Variants in TANC1 observed in about 807,000 individuals in gnomAD.
TANC1 encodes the protein tetratricopeptide repeat, ankyrin repeat and coiled-coil containing 1.
TANC1 carries 77 observed loss-of-function variants against 149.7 expected under a neutral mutation model. The observed-to-expected ratio is 0.51, with a 90% confidence interval of 0.43 to 0.62. The LOEUF is 0.62. Ranked by LOEUF, TANC1 falls within the 20% of genes least tolerant of loss-of-function variation. The pLI is 0.00. For synonymous variants in TANC1, 854 were observed against 925.0 expected (o/e 0.92, Z 1.39); for missense variants, 1,985 against 2,321.8 (o/e 0.85, Z 2.98).
chr2:159,189,691 C>T (rs544866078), intron 16 of TANC1, among the ~76,000 whole-genome samples: 19 of 152,066 alleles, frequency 1.2e-4, no homozygotes, highest in Non-Finnish European at 4.4e-5. Flanking sequence ...GCTGGAAGGG[C>T]GCCTGACACT....
At chr2:159,175,989 C>T (rs928309613) in intron 12 of TANC1, among the ~76,000 whole-genome samples, 3 of 152,148 alleles carry the variant, frequency 2.0e-5, no homozygotes, top group Non-Finnish European at 4.4e-5. Context: ...CACTGGGGAG[C>T]TCTCATGGGG....
chr2:159,065,958 CAAG>C lies in TANC1; in HGVS notation c.52_54del (p.Lys18del), dbSNP rs2042618438. 2.5e-6 allele frequency: 4 copies of C among 1,613,198 alleles called. No homozygotes were observed. Among genetic ancestry groups the C allele is most frequent in the Non-Finnish European group, 3.4e-6 (4 of 1,179,346 alleles). On this transcript the variant is annotated inframe_deletion, in exon 3 of 27. Coordinates refer to ENST00000263635, the MANE Select transcript of TANC1 (RefSeq NM_033394.3). ...AGAGCCGAGAGGGAGGAAAGGGAGG[CAAG>C]AAGGAAGCAGGTATGTGTGCAAGAA... is the stretch of plus-strand genomic sequence containing the variant.
At chr2:159,030,475 G>A (rs1203717882) in intron 2 of TANC1, among the ~76,000 whole-genome samples, 1 of 152,138 alleles carries the variant, frequency 6.6e-6, no homozygotes, top group Non-Finnish European at 1.5e-5. Flanking sequence ...TCCTAGGACA[G>A]AAGTTATTTC....
chr2:159,179,900 C>T (rs1489077892), intron 14 of TANC1, among the ~76,000 whole-genome samples: 1 of 152,174 alleles, frequency 6.6e-6, no homozygotes, highest in East Asian at 1.9e-4. Context: ...CCCCAACTTC[C>T]ACTTGGCCCT....
Position 159,228,594 on chromosome 2 carries a change from T to C in TANC1, c.4051-202T>C, listed in dbSNP as rs1255282595. On this transcript the variant is annotated intron_variant, in intron 25 of 26. Coordinates refer to ENST00000263635, the MANE Select transcript of TANC1 (RefSeq NM_033394.3). The stretch of plus-strand genomic sequence containing the variant: ...TGGGGCACTGTTACTACCACTGTTT[T>C]CATAGTGGATTCTTCTCCTAATGAT... 1.1e-5 allele frequency: 6 copies of C among 544,332 alleles called. No homozygotes were observed. The African/African-American group carries it at 1.1e-4, about 10-fold the overall frequency. The allele number at this position is 544,332 out of a possible 1,614,324, so 33.7% of individuals were successfully genotyped here. A position where few individuals can be genotyped will look rare whatever the true frequency, so the allele number is the denominator to read the frequency against.
intron 6 of TANC1, 104 bp from the exon 7 acceptor site, chr2:159,150,265 TC>T (rs2052634169): frequency 3.4e-6 from 3 of 889,706 alleles, no homozygotes; most frequent in Non-Finnish European, 5.1e-6. Context: ...TTTTAAAACT[TC>T]CGTTTTCCTG....
intron 5 of TANC1, among the ~76,000 whole-genome samples, chr2:159,145,704 T>C (rs2150283557): frequency 6.6e-6 from 1 of 152,298 alleles, no homozygotes; most frequent in East Asian, 1.9e-4. Context: ...TCAGAAGTGA[T>C]TCAAGAACTT....
intron 4 of TANC1, among the ~76,000 whole-genome samples, chr2:159,120,517 G>T (rs1358180191): frequency 6.6e-6 from 1 of 152,110 alleles, no homozygotes; most frequent in African/African-American, 2.4e-5. Context: ...GCTATTCAGT[G>T]CATTATGGTT....
At chr2:159,010,524 C>T (rs577380796) in intron 2 of TANC1, among the ~76,000 whole-genome samples, 107 of 152,178 alleles carry the variant, frequency 7.0e-4, no homozygotes, top group African/African-American at 2.4e-3. Context: ...GCCGTGGGTG[C>T]GTCGGGGGAG....
chr2:159,012,013 T>G (rs1345586918), intron 2 of TANC1, among the ~76,000 whole-genome samples: 3 of 151,992 alleles, frequency 2.0e-5, no homozygotes, highest in Non-Finnish European at 4.4e-5. Context: ...CTAGAGCTTC[T>G]AGGAAGGGGG....
intron 5 of TANC1, chr2:159,148,520 G>C (rs1417938558): frequency 6.6e-6 from 1 of 152,262 alleles, no homozygotes; most frequent in Admixed American, 6.5e-5. Context: ...GTGGTACTGG[G>C]TCCTGTCTCT....
At chr2:159,212,621 G>C (rs994830856) in intron 19 of TANC1, among the ~76,000 whole-genome samples, 1 of 151,970 alleles carries the variant, frequency 6.6e-6, no homozygotes, top group Non-Finnish European at 1.5e-5. Context: ...TAGATTTTAG[G>C]CTTAAAAACC....
At chr2:158,992,932 A>G (rs1338977396) in intron 1 of TANC1, among the ~76,000 whole-genome samples, 1 of 150,830 alleles carries the variant, frequency 6.6e-6, no homozygotes, top group African/African-American at 2.4e-5. Flanking sequence ...CTTCACTTGC[A>G]CCTTTACTCG....
In TANC1 at chr2:159,232,309, ATC is replaced by A. The variant is rs2060361697; in HGVS notation, c.*1299_*1300del. On this transcript the variant is annotated 3_prime_UTR_variant, in exon 27 of 27. Coordinates refer to ENST00000263635, the MANE Select transcript of TANC1 (RefSeq NM_033394.3). ...GCTAATTTGAGAGAAGTAGGAGTGT[ATC>A]TGTTTTATATGTTGGGATGTGAAAT... 2.0e-5 allele frequency: 3 copies of A among 152,592 alleles called. No homozygotes were observed. The highest frequency in any genetic ancestry group is 4.4e-5 in the Non-Finnish European group (3 of 68,014). 9.5% of individuals were successfully genotyped at this position (152,592 alleles called of 1,614,324 possible). A position where few individuals can be genotyped will look rare whatever the true frequency, so the allele number is the denominator to read the frequency against.
Position 159,230,233 on chromosome 2 carries a change from C to T in TANC1, c.4807C>T (p.Pro1603Ser), listed in dbSNP as rs2060267144. 3 of 1,613,944 alleles carry T rather than the reference C, an allele frequency of 1.9e-6. No individual in the cohort carries two copies. Among genetic ancestry groups the T allele is most frequent in the East Asian group, 2.2e-5 (1 of 44,862 alleles). The change falls in exon 27 of 27, where the codon CCC (proline) becomes TCC (serine). Residue 1603 changes from proline (P) to serine (S), a missense_variant. This residue lies in a region of TANC1 where 920 missense variants were observed against 994.7 expected (regional missense o/e 0.92). Transcript: ENST00000263635. This position sits in a 1 kb window ranked among gnomAD's most constrained non-coding sequence, Gnocchi z 4.4. ...TGGCCACTTTGGGGATCGGCTGGGC[C>T]CCAGCCAGAATGTCCGCCTGCAGTG... ...GCGHFGDRLG[P>S]SQNVRLQCGE...
chr2:159,194,361 A>G lies in TANC1; in HGVS notation c.2847A>G (p.Glu949=), dbSNP rs2057696824. Residue 949 remains glutamate (E), a synonymous_variant, in exon 17 of 27, where the codon GAA becomes GAG. Coordinates refer to ENST00000263635, the MANE Select transcript of TANC1 (RefSeq NM_033394.3). The stretch of plus-strand genomic sequence containing the variant: ...TCCAGTCTCACCTTGGCCACGAGGA[A>G]GTTGTCACTCTGCTCCTGGAATTTG... The part of the protein sequence containing the change: ...LCVQSHLGHE[E]VVTLLLEFGA... 1 of 1,614,132 alleles carries G rather than the reference A, an allele frequency of 6.2e-7. No homozygotes were observed. Among genetic ancestry groups the G allele is most frequent in the South Asian group, 1.1e-5 (1 of 91,096 alleles).
At chr2:159,094,870 A>G (rs1296306280) in intron 3 of TANC1, among the ~76,000 whole-genome samples, 1 of 152,034 alleles carries the variant, frequency 6.6e-6, no homozygotes, top group Admixed American at 6.6e-5. Context: ...TCCCTTGAGG[A>G]CAGAACTTTG....
intron 2 of TANC1, among the ~76,000 whole-genome samples, chr2:159,041,841 A>G (rs899595249): frequency 2.0e-5 from 3 of 152,170 alleles, no homozygotes; most frequent in Non-Finnish European, 4.4e-5. Flanking sequence ...TCAGTTGGAA[A>G]TGCAGAAATC....
At chr2:159,084,717 C>T (rs1168595210) in intron 3 of TANC1, among the ~76,000 whole-genome samples, 1 of 152,172 alleles carries the variant, frequency 6.6e-6, no homozygotes, top group Non-Finnish European at 1.5e-5. Context: ...ACAGAATGTT[C>T]CTGACAATTA....
Sources: allele counts gnomAD v4.1 joint callset (sites outside exome capture counted in the v4.1 genomes callset), GRCh38; gene constraint gnomAD v4.1.1; regional missense constraint gnomAD v4.1.1; non-coding constraint Gnocchi (gnomAD v3.1); transcripts MANE v1.5; gene names NCBI Gene and HGNC (gene_info 2026-07-23, HGNC 2026-07-21).